Variants in PDZD4 observed in about 807,000 individuals in gnomAD.
PDZD4 encodes the protein PDZ domain-containing protein 4.
PDZD4 carries 9 observed loss-of-function variants against 38.5 expected under a neutral mutation model. The ratio of observed to expected loss-of-function variants is 0.23; its 90% confidence interval spans 0.14 to 0.41. PDZD4 has a LOEUF of 0.41. Among genes scored for constraint, PDZD4 ranks in the 10% least tolerant of loss-of-function variants. The probability of loss-of-function intolerance (pLI) is 1.00; values close to 1 mark genes in which losing one functional copy is unlikely to be tolerated. For missense variants in PDZD4, 612 were observed against 722.0 expected, an observed-to-expected ratio of 0.85 and a Z score of 1.75; for synonymous variants, 349 against 315.7, an observed-to-expected ratio of 1.11 and a Z score of -1.12.
chrX:153,810,974 T>G (rs1019335921), intron 1 of PDZD4, among the ~76,000 whole-genome samples: 1 of 112,692 alleles, frequency 8.9e-6, no homozygotes, highest in East Asian at 2.8e-4. Context: ...TTTTGTTTTT[T>G]GGGGGCTTTT....
intron 1 of PDZD4, 30 bp from the exon 2 acceptor site, chrX:153,808,625 C>T (rs1388880727): frequency 1.8e-6 from 2 of 1,121,077 alleles, no homozygotes; most frequent in Non-Finnish European, 2.4e-6. Context: ...CCGTAAGAAC[C>T]CTCAAAGGCT....
intron 3 of PDZD4, among the ~76,000 whole-genome samples, 194 bp from the exon 4 acceptor site, chrX:153,807,034 G>A (rs1398729949): frequency 8.0e-5 from 9 of 112,279 alleles, no homozygotes; most frequent in Non-Finnish European, 1.5e-4. Context: ...CGTGGCGCAC[G>A]TACTCAGTGG....
intron 1 of PDZD4, among the ~76,000 whole-genome samples, chrX:153,814,588 T>A (rs2064343215): frequency 9.1e-6 from 1 of 109,380 alleles, no homozygotes. Flanking sequence ...GTGGGGATTG[T>A]TGACTGAGCT....
intron 1 of PDZD4, among the ~76,000 whole-genome samples, chrX:153,817,763 G>C (rs955855908): frequency 8.9e-6 from 1 of 112,017 alleles, no homozygotes; most frequent in Non-Finnish European, 1.9e-5. Context: ...GAAGACCGAG[G>C]AAGGAAGGAC....
At position 153,830,280 on chromosome X, in the gene PDZD4, C is replaced by A; in HGVS notation, c.19G>T (p.Val7Leu). Residue 7 changes from valine to leucine, a missense_variant, in exon 1 of 8, where the codon GTG becomes TTG. Coordinates refer to ENST00000393758, the MANE Select transcript of PDZD4 (RefSeq NM_001303512.2). Reference sequence around the variant, plus strand: ...TACTGCTCCTCCGGTTTCTGGACCACGCACATATTACATCCCATGTTGCTG... The same window carrying A: ...TACTGCTCCTCCGGTTTCTGGACCAAGCACATATTACATCCCATGTTGCTG... MGCNMC[V>L]VQKPEEQYKV... The A allele has an allele frequency of 8.3e-7, 1 of 1,203,460 alleles. No individual in the cohort carries two copies. The highest frequency in any genetic ancestry group is 1.1e-6 in the Non-Finnish European group (1 of 891,416).
Position 153,804,322 on chromosome X carries a change from C to A in PDZD4, c.1359G>T (p.Glu453Asp). 2.5e-6 allele frequency: 3 copies of A among 1,207,302 alleles called. No homozygotes were observed. Among genetic ancestry groups the A allele is most frequent in the Non-Finnish European group, 1.1e-6 (1 of 894,439 alleles). ...TGTCGGACAGCTCGTGCTTCTTGGG[C>A]TCGCTGGCCGCCAGGTCGTAGAGGC... is the stretch of plus-strand genomic sequence containing the variant. The part of the protein sequence containing the change: ...EESLYDLAAS[E>D]PKKHELSDIS... The change falls in exon 8 of 8, where the codon GAG (glutamate) becomes GAT (aspartate). Residue 453 changes from glutamate (E) to aspartate (D), a missense_variant. Around this residue, in one of 3 missense-constraint regions of PDZD4, gnomAD observed 300 missense variants for 284.6 expected, o/e 1.05. Transcript: ENST00000393758.
At chrX:153,818,577 C>T (rs1394322275) in intron 1 of PDZD4, among the ~76,000 whole-genome samples, 1 of 111,135 alleles carries the variant, frequency 9.0e-6, no homozygotes, top group Non-Finnish European at 1.9e-5. Context: ...TGACACTGAG[C>T]CGGTTGGGGA....
chrX:153,803,601 C>T lies in PDZD4; in HGVS notation c.2080G>A (p.Ala694Thr). The T allele has an allele frequency of 3.3e-6, 4 of 1,210,291 alleles. No homozygotes were observed. Among genetic ancestry groups the T allele is most frequent in the Non-Finnish European group, 3.3e-6 (3 of 895,540 alleles). Residue 694 changes from alanine (A) to threonine (T), a missense_variant, in exon 8 of 8, where the codon GCC (alanine) becomes ACC (threonine). By Grantham distance (58) the Ala-to-Thr change is moderately conservative (BLOSUM62 0). Around this residue, in one of 3 missense-constraint regions of PDZD4, gnomAD observed 87 missense variants for 126.3 expected, o/e 0.69. Transcript: ENST00000393758. Reference sequence around the variant, plus strand: ...TCGCGCCGCTTCCGCTGCTCACGGGCCCGGATCAGGTGCTGCTTCCGCTCC... The same window carrying T: ...TCGCGCCGCTTCCGCTGCTCACGGGTCCGGATCAGGTGCTGCTTCCGCTCC... ...KEERKQHLIR[A>T]REQRKRREFM... is the part of the protein sequence containing the mutation.
intron 2 of PDZD4, among the ~76,000 whole-genome samples, 198 bp from the exon 3 acceptor site, chrX:153,807,567 C>T (rs1343487957): frequency 3.5e-5 from 4 of 113,382 alleles, no homozygotes; most frequent in Non-Finnish European, 7.5e-5. Flanking sequence ...GGGCACTTCT[C>T]GCACCTGAGT....
Position 153,807,269 on chromosome X carries a change from C to T in PDZD4, c.405+10G>A, listed in dbSNP as rs373998067. On this transcript the variant is annotated intron_variant, in intron 3 of 7. Transcript: ENST00000393758. ...CTGGCTGCGGGCCCTGGCCTGGCCACCCGGCTCACCTCATACTCCAGCTCA... is the reference window on the plus strand; with the variant it reads ...CTGGCTGCGGGCCCTGGCCTGGCCATCCGGCTCACCTCATACTCCAGCTCA... The T allele has an allele frequency of 2.5e-5, 30 of 1,206,489 alleles. No homozygotes were observed. The African/African-American group carries it at 4.9e-4, about 20-fold the overall frequency.
chrX:153,816,187 G>A (rs941190187), intron 1 of PDZD4, among the ~76,000 whole-genome samples: 5 of 103,102 alleles, frequency 4.8e-5, no homozygotes, highest in Admixed American at 3.1e-4. Flanking sequence ...CACCAGTGGG[G>A]CTCCCAGGCC....
chrX:153,814,369 G>A (rs2064337847), intron 1 of PDZD4, among the ~76,000 whole-genome samples: 1 of 110,211 alleles, frequency 9.1e-6, no homozygotes, highest in Admixed American at 9.6e-5. Context: ...AGCTACTTGA[G>A]AGGCTGAGGC....
Position 153,803,929 on chromosome X carries a change from G to A in PDZD4, c.1752C>T (p.Gly584=), listed in dbSNP as rs1438951602. 1 of 1,169,952 alleles carries A rather than the reference G, an allele frequency of 8.5e-7. No homozygotes were observed. The highest frequency in any genetic ancestry group is 1.1e-6 in the Non-Finnish European group (1 of 876,495). ...GCTGCACGCAGCTGTGGTAGTGCTCGCCCTCCTGGCCCTGGCCGCGGTGGC... is the reference window on the plus strand; with the variant it reads ...GCTGCACGCAGCTGTGGTAGTGCTCACCCTCCTGGCCCTGGCCGCGGTGGC... ...SRRHRGQGQE[G]EHYHSCVQLA... The change falls in exon 8 of 8, where the codon GGC becomes GGT. Residue 584 remains glycine, a synonymous_variant. Coordinates refer to ENST00000393758, the MANE Select transcript of PDZD4 (RefSeq NM_001303512.2).
At chrX:153,827,364 A>G (rs1557082733) in intron 1 of PDZD4, among the ~76,000 whole-genome samples, 2 of 112,078 alleles carry the variant, frequency 1.8e-5, no homozygotes, top group Non-Finnish European at 1.9e-5. Context: ...AAACAGTTCA[A>G]TGGCTACAGG....
At chrX:153,812,823 C>T (rs2064323478) in intron 1 of PDZD4, among the ~76,000 whole-genome samples, 1 of 110,188 alleles carries the variant, frequency 9.1e-6, no homozygotes, top group Non-Finnish European at 1.9e-5. Context: ...CTCCCCGCCC[C>T]ACCCCCAACC....
chrX:153,812,656 G>A (rs782431364), intron 1 of PDZD4, among the ~76,000 whole-genome samples: 7 of 111,191 alleles, frequency 6.3e-5, no homozygotes, highest in Non-Finnish European at 9.4e-5. Flanking sequence ...CCCCAAGGAA[G>A]AAATGAGCTC....
At chrX:153,814,141 G>A (rs1557079310) in intron 1 of PDZD4, among the ~76,000 whole-genome samples, 1 of 110,712 alleles carries the variant, frequency 9.0e-6, no homozygotes, top group Admixed American at 9.6e-5. Flanking sequence ...TTACAGGCAT[G>A]ACCCAGCCCC....
At chrX:153,815,048 C>T (rs1265060414) in intron 1 of PDZD4, among the ~76,000 whole-genome samples, 1 of 113,057 alleles carries the variant, frequency 8.8e-6, no homozygotes, top group East Asian at 2.8e-4. Context: ...CTCCGCTGCC[C>T]CGGGGAGTGC....
In PDZD4 at chrX:153,830,500, C is replaced by G; in HGVS notation, c.-202G>C. The stretch of plus-strand genomic sequence containing the variant: ...AGGTTAACTCTTCGCTGGCCGAGGC[C>G]AGGCGCGGGCATGCTCCCTCGCACC... On this transcript the variant is annotated 5_prime_UTR_variant, in exon 1 of 8. Coordinates refer to ENST00000393758, the MANE Select transcript of PDZD4 (RefSeq NM_001303512.2). The G allele has an allele frequency of 2.9e-6, 1 of 343,953 alleles. No homozygotes were observed. Among genetic ancestry groups the G allele is most frequent in the Non-Finnish European group, 5.1e-6 (1 of 196,295 alleles). 28.3% of individuals were successfully genotyped at this position (343,953 alleles called of 1,213,427 possible).
Sources: gnomAD v4.1 joint callset for allele counts (sites outside exome capture counted in the v4.1 genomes callset) on GRCh38, gnomAD v4.1.1 for gene constraint, gnomAD v4.1.1 regional missense constraint, MANE v1.5 for transcripts, NCBI Gene and HGNC (gene_info 2026-07-23, HGNC 2026-07-21) for gene names.